The following SLC2A9 variants were observed in gnomAD, a reference collection of about 807,000 sequenced individuals.
SLC2A9 encodes solute carrier family 2, facilitated glucose transporter member 9.
In SLC2A9, 39 loss-of-function variants were observed where a neutral mutation model predicts 50.6. That is an observed-to-expected ratio of 0.77 (90% CI 0.60 to 1.01). The LOEUF (loss-of-function observed/expected upper bound fraction) is 1.01. Among genes scored for constraint, SLC2A9 ranks in the 50% least tolerant of loss-of-function variants. The pLI is 0.00. For synonymous variants in SLC2A9, 324 were observed against 276.9 expected, an observed-to-expected ratio of 1.17 and a Z score of -1.69; for missense variants, 686 against 677.6, an observed-to-expected ratio of 1.01 and a Z score of -0.14.
At chr4:9,812,513 A>G (rs1723021234) in intron 3 of SLC2A9, among the ~76,000 whole-genome samples, 1 of 149,754 alleles carries the variant, frequency 6.7e-6, no homozygotes, top group African/African-American at 2.5e-5. Flanking sequence ...TTTTTTCCTC[A>G]TGGTTTGAAA....
intron 3 of SLC2A9, chr4:9,995,805 G>A (rs997174288): frequency 3.3e-5 from 5 of 152,276 alleles, no homozygotes; most frequent in African/African-American, 9.6e-5. Flanking sequence ...GAAAATTGAG[G>A]CTCAAATAAA....
chr4:9,941,008 C>T (rs1042899862), intron 6 of SLC2A9, among the ~76,000 whole-genome samples: 1 of 152,176 alleles, frequency 6.6e-6, no homozygotes, highest in Non-Finnish European at 1.5e-5. Flanking sequence ...TATGTCATTT[C>T]CTTTTTACAG....
chr4:9,771,327 G>T, exon 2 of SLC2A9: 1 of 391,766 alleles, frequency 2.6e-6, no homozygotes, highest in South Asian at 1.4e-4. Context: ...CAGGTATCCA[G>T]GCACATTCAT....
chr4:9,845,523 G>T (rs1467316550), intron 10 of SLC2A9, among the ~76,000 whole-genome samples: 1 of 141,948 alleles, frequency 7.0e-6, no homozygotes, highest in East Asian at 2.1e-4. Context: ...TCCGCCTCCC[G>T]GGTTCACGCC....
intron 6 of SLC2A9, among the ~76,000 whole-genome samples, chr4:9,937,997 T>C (rs150005485): frequency 1.3e-5 from 2 of 152,366 alleles, no homozygotes; most frequent in South Asian, 2.1e-4. Flanking sequence ...TCACACAGAT[T>C]CTTTTTATGT....
chr4:9,844,850 T>C (rs2109253627), intron 10 of SLC2A9, among the ~76,000 whole-genome samples: 1 of 152,374 alleles, frequency 6.6e-6, no homozygotes, highest in South Asian at 2.1e-4. Context: ...TACTTAGTTT[T>C]GTTTTATGCA....
At chr4:9,774,437 T>A (rs1717261598) in intron 1 of SLC2A9, among the ~76,000 whole-genome samples, 1 of 152,218 alleles carries the variant, frequency 6.6e-6, no homozygotes, top group African/African-American at 2.4e-5. Flanking sequence ...CCACCCTGCA[T>A]GCTGGTGAAT....
chr4:10,005,608 T>C (rs182647892), intron 2 of SLC2A9, among the ~76,000 whole-genome samples: 34 of 152,260 alleles, frequency 2.2e-4, no homozygotes, highest in African/African-American at 8.0e-4. Flanking sequence ...AAAATTGTTA[T>C]GAGTTGCTCC....
intron 10 of SLC2A9, chr4:9,879,961 A>T: frequency 1.0e-6 from 1 of 985,388 alleles, no homozygotes; most frequent in Non-Finnish European, 1.2e-6. Context: ...AAGTCTTCTT[A>T]CATCGACCTG....
chr4:9,942,150 C>A, intron 5 of SLC2A9, 105 bp from the exon 6 acceptor site: 1 of 1,345,460 alleles, frequency 7.4e-7, no homozygotes, highest in East Asian at 2.4e-5. Flanking sequence ...GTCTTCCTGC[C>A]CAGCATGATC....
At chr4:9,795,469 T>C (rs1174673339), downstream of SLC2A9, among the ~76,000 whole-genome samples, 3 of 152,164 alleles carry the variant, frequency 2.0e-5, no homozygotes, top group Non-Finnish European at 4.4e-5. Context: ...TGATTCATGA[T>C]CAATCTTATG....
At chr4:9,999,241 T>C (rs1759335369) in intron 2 of SLC2A9, among the ~76,000 whole-genome samples, 3 of 152,010 alleles carry the variant, frequency 2.0e-5, no homozygotes, top group Non-Finnish European at 4.4e-5. Context: ...GTTTGTTTCT[T>C]GTACAAAGGA....
chr4:9,954,472 C>T (rs4314284), intron 5 of SLC2A9, among the ~76,000 whole-genome samples: 73,408 of 152,150 alleles, frequency 0.48, 19,100 homozygotes, highest in African/African-American at 0.67. Flanking sequence ...AACTTCACGA[C>T]GGAGTTACTT....
intron 1 of SLC2A9, among the ~76,000 whole-genome samples, chr4:10,032,686 A>T (rs1400312051): frequency 6.6e-6 from 1 of 152,176 alleles, no homozygotes; most frequent in East Asian, 1.9e-4. Flanking sequence ...CTCCATGCAC[A>T]CAGTCCCTGG....
chr4:9,932,459 T>C (rs1400672584), intron 6 of SLC2A9, among the ~76,000 whole-genome samples: 5 of 152,196 alleles, frequency 3.3e-5, no homozygotes, highest in Admixed American at 1.3e-4. Context: ...CAAATTCATT[T>C]ATAAACATAT....
intron 10 of SLC2A9, among the ~76,000 whole-genome samples, chr4:9,849,771 C>T (rs1236464010): frequency 6.6e-6 from 1 of 152,084 alleles, no homozygotes; most frequent in African/African-American, 2.4e-5. Context: ...GTGATGTGTT[C>T]TGTTTGGTGG....
chr4:9,960,005 C>T (rs1375763699), intron 5 of SLC2A9, among the ~76,000 whole-genome samples: 1 of 152,184 alleles, frequency 6.6e-6, no homozygotes, highest in African/African-American at 2.4e-5. Context: ...GGGCAGGAAC[C>T]AGGGCTAACT....
intron 8 of SLC2A9, among the ~76,000 whole-genome samples, chr4:9,907,759 G>A (rs763477944): frequency 2.0e-5 from 3 of 152,220 alleles, no homozygotes; most frequent in Admixed American, 6.5e-5. Flanking sequence ...AAAGGAAGAT[G>A]ACAGGGAAGC....
intron 10 of SLC2A9, among the ~76,000 whole-genome samples, chr4:9,878,557 G>A (rs77851453): frequency 0.012 from 1,864 of 152,116 alleles, 43 homozygotes; most frequent in African/African-American, 0.043. Context: ...TCCATGCCCC[G>A]TGATGCACCC....
Sources: gnomAD v4.1 joint callset for allele counts (sites outside exome capture counted in the v4.1 genomes callset) on GRCh38, gnomAD v4.1.1 for gene constraint, MANE v1.5 for transcripts, NCBI Gene and HGNC (gene_info 2026-07-23, HGNC 2026-07-21) for gene names.